Variants in LAMA2 observed in about 807,000 individuals in gnomAD.
The protein encoded by LAMA2 is laminin subunit alpha-2.
Under a neutral mutation model 364.8 loss-of-function variants are expected in LAMA2, and 269 were observed. The ratio of observed to expected loss-of-function variants is 0.74; its 90% CI spans 0.67 to 0.82. LAMA2 has a LOEUF of 0.82. Among genes scored for constraint, LAMA2 ranks in the 40% least tolerant of loss-of-function variants. The pLI is 0.00. For missense variants in LAMA2, 3,807 were observed against 3,873.2 expected (o/e 0.98, Z 0.45); for synonymous variants, 1,379 against 1,370.6 (o/e 1.01, Z -0.14).
At chr6:129,096,608 A>AC (rs1253584960) in intron 3 of LAMA2, among the ~76,000 whole-genome samples, 1 of 152,122 alleles carries the variant, frequency 6.6e-6, no homozygotes, top group Non-Finnish European at 1.5e-5. Context: ...CAAAGCCCAG[A>AC]CCCCTCAGGA....
At chr6:128,928,562 G>T (rs748733432) in intron 1 of LAMA2, among the ~76,000 whole-genome samples, 3 of 152,186 alleles carry the variant, frequency 2.0e-5, no homozygotes, top group Non-Finnish European at 4.4e-5. Context: ...TTCAAGGAGA[G>T]GGAAGGAGGT....
intron 34 of LAMA2, among the ~76,000 whole-genome samples, chr6:129,381,340 T>TTC (rs1778676539): frequency 6.6e-6 from 1 of 151,744 alleles, no homozygotes; most frequent in Non-Finnish European, 1.5e-5. Context: ...TCTTTTTTTT[T>TTC]CTTTTCTTTT....
chr6:129,451,760 T>C lies in LAMA2; in HGVS notation c.6430-1228T>C, dbSNP rs543201362. Among the ~76,000 whole-genome samples the C allele has an allele frequency of 4.6e-5, 7 of 152,302 alleles. No homozygotes were observed. In the South Asian group the frequency reaches 1.4e-3, roughly 32 times the overall value. ...AATTTGGCACCCAACCTTTGCAGTA[T>C]ACTTGCATGACCCTTGGAGAAGGGC... On this transcript the variant is annotated intron_variant, in intron 45 of 64. Transcript: ENST00000421865.
At chr6:129,074,117 C>T (rs1015994583) in intron 3 of LAMA2, among the ~76,000 whole-genome samples, 4 of 151,642 alleles carry the variant, frequency 2.6e-5, no homozygotes, top group Non-Finnish European at 5.9e-5. Flanking sequence ...GTGGAAACCC[C>T]GACTTGTTTA....
intron 3 of LAMA2, among the ~76,000 whole-genome samples, chr6:129,093,935 G>A (rs1346055814): frequency 2.0e-5 from 3 of 152,312 alleles, no homozygotes; most frequent in East Asian, 1.9e-4. Context: ...CTAGTGGGGA[G>A]TCTGCCTTCC....
At position 129,492,364 on chromosome 6, in the gene LAMA2, C is replaced by T. The variant is rs769324317; in HGVS notation, c.8125C>T (p.Arg2709Cys). The T allele has an allele frequency of 3.7e-6, 6 of 1,614,118 alleles. No homozygotes were observed. Among genetic ancestry groups the T allele is most frequent in the Non-Finnish European group, 5.1e-6 (6 of 1,179,970 alleles). ...PVSFKNADIG[R>C]CAHQKLREDE... ...GTCCTTCAAAAATGCTGACATTGGT[C>T]GCTGTGCCCATCAGAAACTCCGTGA... Residue 2709 changes from arginine to cysteine, a missense_variant, in exon 58 of 65, where the codon CGC becomes TGC. Arg to Cys is a radical substitution (Grantham distance 180). Coordinates refer to ENST00000421865, the MANE Select transcript of LAMA2 (RefSeq NM_000426.4).
intron 32 of LAMA2, among the ~76,000 whole-genome samples, chr6:129,365,672 C>CTT (rs36004394): frequency 4.5e-4 from 66 of 146,342 alleles, no homozygotes; most frequent in East Asian, 1.0e-3. Context: ...CTTCTTTAGA[C>CTT]TTTTTTTTTT....
chr6:128,929,354 C>G (rs1178484669), intron 1 of LAMA2: 13 of 1,079,952 alleles, frequency 1.2e-5, no homozygotes, highest in Middle Eastern at 2.3e-4. Context: ...TGGGGTGAGA[C>G]CTCGAGAGAA....
rs1457393759 is a variant in LAMA2 at position 129,507,701 on chromosome 6, T to TAGA, written c.8857+59_8857+60insAGA. 2.0e-6 allele frequency: 3 copies of TAGA among 1,507,266 alleles called. No homozygotes were observed. The African/African-American group carries it at 4.1e-5, about 21-fold the overall frequency. The allele number at this position is 1,507,266 out of a possible 1,614,324, so 93.4% of individuals were successfully genotyped here. On this transcript the variant is annotated intron_variant, in intron 62 of 64. Transcript: ENST00000421865. Reference sequence around the variant, plus strand: ...TAACTAGATACAAATACTAACTTCTTGCTAGTACCAAATAATAAAAGTTCC... The same window carrying TAGA: ...TAACTAGATACAAATACTAACTTCTTAGAGCTAGTACCAAATAATAAAAGTTCC...
chr6:129,150,134 C>T (rs1320529410), intron 7 of LAMA2, among the ~76,000 whole-genome samples: 4 of 152,116 alleles, frequency 2.6e-5, no homozygotes, highest in Non-Finnish European at 5.9e-5. Flanking sequence ...TTAGAAATCT[C>T]CCATTATTAC....
intron 21 of LAMA2, 23 bp downstream of exon 21, chr6:129,297,888 C>A (rs1308259110): frequency 6.3e-7 from 1 of 1,598,974 alleles, no homozygotes; most frequent in Admixed American, 1.7e-5. Flanking sequence ...GACTTAAGTC[C>A]TACATATTCA....
intron 13 of LAMA2, among the ~76,000 whole-genome samples, chr6:129,250,992 CTCTCTCTCTTTCTG>C (rs1786143141): frequency 6.7e-6 from 1 of 149,396 alleles, no homozygotes; most frequent in East Asian, 2.0e-4. Flanking sequence ...AAGTGGTCTG[CTCTCTCTCTTTCTG>C]TCTCTCTCTT....
chr6:129,015,488 A>T (rs1785013156), intron 1 of LAMA2, among the ~76,000 whole-genome samples: 1 of 152,128 alleles, frequency 6.6e-6, no homozygotes. Context: ...TTTCACCATG[A>T]AAAACATTAA....
At chr6:129,376,169 C>T (rs1778364224) in intron 34 of LAMA2, among the ~76,000 whole-genome samples, 2 of 152,186 alleles carry the variant, frequency 1.3e-5, no homozygotes, top group South Asian at 4.1e-4. Flanking sequence ...TCTCTCATCT[C>T]TCCCCACTAC....
chr6:129,147,843 T>C (rs1382096478), intron 6 of LAMA2, among the ~76,000 whole-genome samples: 1 of 152,148 alleles, frequency 6.6e-6, no homozygotes, highest in East Asian at 1.9e-4. Flanking sequence ...CCTAGGAAGA[T>C]TAAAGTACAC....
intron 52 of LAMA2, among the ~76,000 whole-genome samples, chr6:129,473,759 T>A (rs1042899091): frequency 6.6e-6 from 1 of 152,064 alleles, no homozygotes; most frequent in African/African-American, 2.4e-5. Flanking sequence ...CCTATTTTAT[T>A]GCTAAGCATT....
At chr6:129,139,528 G>C (rs928177349) in intron 4 of LAMA2, among the ~76,000 whole-genome samples, 20 of 152,184 alleles carry the variant, frequency 1.3e-4, no homozygotes, top group Non-Finnish European at 2.5e-4. Flanking sequence ...CACATACTAT[G>C]CCATTTCATT....
At chr6:129,081,142 G>C (rs1444202741) in intron 3 of LAMA2, among the ~76,000 whole-genome samples, 3 of 151,608 alleles carry the variant, frequency 2.0e-5, no homozygotes, top group Non-Finnish European at 4.4e-5. Flanking sequence ...CTATAGCAAG[G>C]ACAGGAAACC....
intron 1 of LAMA2, among the ~76,000 whole-genome samples, chr6:128,997,372 G>A (rs199582028): frequency 6.9e-4 from 23 of 33,472 alleles, no homozygotes; most frequent in South Asian, 1.3e-3. Context: ...GAAAGAAAGA[G>A]AGAGAGAGAA....
Sources: gnomAD v4.1 joint callset for allele counts (sites outside exome capture counted in the v4.1 genomes callset) on GRCh38, gnomAD v4.1.1 for gene constraint, MANE v1.5 for transcripts, NCBI Gene and HGNC (gene_info 2026-07-23, HGNC 2026-07-21) for gene names.